The following NIPBL variants were observed in gnomAD, a reference collection of about 807,000 sequenced individuals.
The protein encoded by NIPBL is NIPBL cohesin loading factor.
NIPBL carries 19 observed loss-of-function variants against 321.8 expected under a neutral mutation model. The ratio of observed to expected loss-of-function variants is 0.06; its 90% CI spans 0.04 to 0.09. The LOEUF (loss-of-function observed/expected upper bound fraction) is 0.09. NIPBL is among the 10% of genes least tolerant of loss of function. NIPBL has a pLI of 1.00. For missense variants in NIPBL, 2,210 were observed against 3,327.0 expected (o/e 0.66, Z 8.26); for synonymous variants, 1,106 against 1,114.1 (o/e 0.99, Z 0.14).
At chr5:36,901,665 A>G (rs1747236509) in intron 1 of NIPBL, among the ~76,000 whole-genome samples, 1 of 152,056 alleles carries the variant, frequency 6.6e-6, no homozygotes, top group South Asian at 2.1e-4. Flanking sequence ...GTGCACCACC[A>G]CACCCAACTA....
chr5:37,063,757 T>G, intron 45 of NIPBL, 33 bp from the exon 46 acceptor site: 1 of 1,579,930 alleles, frequency 6.3e-7, no homozygotes, highest in Non-Finnish European at 8.6e-7. Context: ...AAATATTTAC[T>G]TAAAATTCTG....
At chr5:36,990,616 T>TTTA (rs1375943256) in intron 10 of NIPBL, among the ~76,000 whole-genome samples, 1 of 152,164 alleles carries the variant, frequency 6.6e-6, no homozygotes, top group African/African-American at 2.4e-5. Flanking sequence ...TTGGAGAAAG[T>TTTA]TTATTACAGA....
At chr5:37,037,145 T>G (rs1751781531) in intron 33 of NIPBL, among the ~76,000 whole-genome samples, 1 of 151,616 alleles carries the variant, frequency 6.6e-6, no homozygotes, top group Non-Finnish European at 1.5e-5. Context: ...CCCAGCACTT[T>G]GGGAGGCCAA....
chr5:36,997,072 C>G (rs1371439977), intron 11 of NIPBL: 5 of 151,926 alleles, frequency 3.3e-5, no homozygotes, highest in Non-Finnish European at 7.4e-5. Context: ...ATTAAAATGG[C>G]TAAAGTTAAT....
At chr5:36,972,211 C>T (rs1742931593) in intron 8 of NIPBL, among the ~76,000 whole-genome samples, 170 bp downstream of exon 8, 1 of 152,016 alleles carries the variant, frequency 6.6e-6, no homozygotes, top group African/African-American at 2.4e-5. Context: ...AAATCTGTCC[C>T]TATTCATTGA....
Position 37,052,431 on chromosome 5 carries a change from A to C in NIPBL, c.7128A>C (p.Lys2376Asn). Residue 2376 changes from lysine to asparagine, a missense_variant, in exon 42 of 47, where the codon AAA (lysine) becomes AAC (asparagine). Physicochemically the swap from Lys to Asn is moderately conservative, Grantham distance 94 (BLOSUM62 0). Transcript: ENST00000282516. ...AACAGGCAATCAACACATGCCTAAA[A>C]GATCCTGTAAGGGGTTTCAGACAAG... ...QVQQAINTCL[K>N]DPVRGFRQDE... 6.2e-7 allele frequency: 1 copy of C among 1,614,172 alleles called. No individual in the cohort carries two copies. The highest frequency in any genetic ancestry group is 8.5e-7 in the Non-Finnish European group (1 of 1,180,008).
rs938724678 is a variant in NIPBL, at chr5:36,896,122, G to C, written c.-80+18944G>C. On this transcript the variant is annotated intron_variant, in intron 1 of 46. Coordinates refer to ENST00000282516, the MANE Select transcript of NIPBL (RefSeq NM_133433.4). ...AATCTTTTTCATAAGGTATGAGGTA[G>C]GGATCCAACTTCATTATTATGTACG... Among the ~76,000 whole-genome samples the C allele has an allele frequency of 5.3e-5, 8 of 152,162 alleles. No individual in the cohort carries two copies. The South Asian group carries it at 1.7e-3, about 32-fold the overall frequency.
intron 24 of NIPBL, 53 bp downstream of exon 24, chr5:37,017,215 G>A (rs1464164674): frequency 1.3e-6 from 2 of 1,499,150 alleles, no homozygotes; most frequent in East Asian, 4.6e-5. Flanking sequence ...TATTTTCTTT[G>A]CATGTCCTTA....
At chr5:36,944,011 A>G (rs1318407746) in intron 1 of NIPBL, among the ~76,000 whole-genome samples, 1 of 152,100 alleles carries the variant, frequency 6.6e-6, no homozygotes, top group Non-Finnish European at 1.5e-5. Flanking sequence ...AAGAGAAAGT[A>G]GGAGAAGAAT....
chr5:37,051,159 A>G (rs1316468947), intron 40 of NIPBL: 1 of 152,542 alleles, frequency 6.6e-6, no homozygotes, highest in Admixed American at 6.6e-5. Flanking sequence ...TTCGAGATTT[A>G]ACATGATCAT....
chr5:36,887,839 G>A (rs1746032722), intron 1 of NIPBL, among the ~76,000 whole-genome samples: 1 of 152,164 alleles, frequency 6.6e-6, no homozygotes, highest in African/African-American at 2.4e-5. Context: ...TCCATAGTAT[G>A]TAAGTCTGAA....
chr5:36,926,994 T>G (rs541008708), intron 1 of NIPBL, among the ~76,000 whole-genome samples: 4 of 152,322 alleles, frequency 2.6e-5, no homozygotes, highest in African/African-American at 9.6e-5. Flanking sequence ...CCAAAATGTT[T>G]ATTGGTTTGA....
intron 1 of NIPBL, among the ~76,000 whole-genome samples, chr5:36,881,567 A>T (rs1407589627): frequency 6.6e-6 from 1 of 151,964 alleles, no homozygotes; most frequent in African/African-American, 2.4e-5. Context: ...GAGGCTGGAA[A>T]GGTTTAGAAA....
intron 32 of NIPBL, among the ~76,000 whole-genome samples, chr5:37,028,132 G>A (rs1750523740): frequency 6.6e-6 from 1 of 151,616 alleles, no homozygotes; most frequent in African/African-American, 2.4e-5. Context: ...CACAACTAGT[G>A]GGTTTTTTTT....
intron 1 of NIPBL, among the ~76,000 whole-genome samples, chr5:36,919,928 G>T (rs1274008646): frequency 6.6e-6 from 1 of 152,000 alleles, no homozygotes; most frequent in Non-Finnish European, 1.5e-5. Context: ...TTTTAAACTT[G>T]TTGTCAGGTA....
chr5:36,994,351 C>A (rs1422290744), intron 10 of NIPBL, among the ~76,000 whole-genome samples: 2 of 151,944 alleles, frequency 1.3e-5, no homozygotes, highest in Admixed American at 1.3e-4. Flanking sequence ...GAAATAACTC[C>A]TTTGTGATAC....
chr5:36,978,524 C>T (rs999325983), intron 9 of NIPBL, among the ~76,000 whole-genome samples: 1 of 151,886 alleles, frequency 6.6e-6, no homozygotes, highest in Non-Finnish European at 1.5e-5. Context: ...AATACTTTCT[C>T]TCATTCTCTA....
At chr5:37,031,678 G>A (rs1056873752) in intron 32 of NIPBL, among the ~76,000 whole-genome samples, 1 of 152,078 alleles carries the variant, frequency 6.6e-6, no homozygotes, top group Non-Finnish European at 1.5e-5. Flanking sequence ...AGATCTTTCC[G>A]AGTTTACAAT....
chr5:37,019,578 T>C (rs574508055), intron 25 of NIPBL, among the ~76,000 whole-genome samples, 178 bp downstream of exon 25: 84 of 152,336 alleles, frequency 5.5e-4, no homozygotes, highest in Admixed American at 4.4e-3. Context: ...ATTTGTCTTA[T>C]ATGGAATTCT....
Sources: allele counts gnomAD v4.1 joint callset (sites outside exome capture counted in the v4.1 genomes callset), GRCh38; gene constraint gnomAD v4.1.1; transcripts MANE v1.5; gene names NCBI Gene and HGNC (gene_info 2026-07-23, HGNC 2026-07-21).